The following ASPSCR1 variants were observed in gnomAD, a reference collection of about 807,000 sequenced individuals.
The protein encoded by ASPSCR1 is ASPSCR1 tether for SLC2A4, UBX domain containing, also known as tether containing UBX domain for GLUT4.
A neutral mutation model predicts 68.9 loss-of-function variants in ASPSCR1; 55 were observed. The observed-to-expected ratio is 0.80, with a 90% CI of 0.64 to 1.00. ASPSCR1 has a LOEUF of 1.00. Among genes scored for constraint, ASPSCR1 ranks in the 50% least tolerant of loss-of-function variants. The pLI is 0.00. For synonymous variants in ASPSCR1, 352 were observed against 332.6 expected (o/e 1.06, Z -0.63); for missense variants, 765 against 762.2 (o/e 1.00, Z -0.04).
chr17:81,987,745 T>G lies in ASPSCR1; in HGVS notation c.374+2138T>G, dbSNP rs550719860. ...GAAGTGGCTTTGGAGCTGGCTTTGG[T>G]GGTGGCTGTGGGGGTGGGTTTGGGC... On this transcript the variant is annotated intron_variant, in intron 4 of 15. Transcript: ENST00000306739. The surrounding 1 kb of genome is among the most constrained non-coding windows in gnomAD (Gnocchi z 5.6). 3.3e-5 allele frequency among the ~76,000 whole-genome samples: 5 copies of G among 151,604 alleles called. No individual in the cohort carries two copies. Among genetic ancestry groups the G allele is most frequent in the African/African-American group, 9.7e-5 (4 of 41,284 alleles).
In ASPSCR1 at chr17:81,999,026, T is replaced by A. The variant is rs537990099; in HGVS notation, c.933+2180T>A. On this transcript the variant is annotated intron_variant, in intron 7 of 15. Coordinates refer to ENST00000306739, the MANE Select transcript of ASPSCR1 (RefSeq NM_024083.4). The surrounding 1 kb of genome is among the most constrained non-coding windows in gnomAD (Gnocchi z 4.4). The stretch of plus-strand genomic sequence containing the variant: ...GCTGACTTTTCCTTTGTCCCTGTCC[T>A]GACCCCGCATCAGAGCCCTGCACCT... Among the ~76,000 whole-genome samples the A allele has an allele frequency of 6.6e-6, 1 of 152,382 alleles. No individual in the cohort carries two copies. Among genetic ancestry groups the A allele is most frequent in the African/African-American group, 2.4e-5 (1 of 41,592 alleles).
rs957274609 is a variant in ASPSCR1 at position 81,987,846 on chromosome 17, TCAAAAAAA to T, written c.374+2253_374+2260del. ...TGGGTGACAAGAGCAAAACTCCATC[TCAAAAAAA>T]CAAAAAAACAAAAGAAACAACAAGG... On this transcript the variant is annotated intron_variant, in intron 4 of 15. Coordinates refer to ENST00000306739, the MANE Select transcript of ASPSCR1 (RefSeq NM_024083.4). The surrounding 1 kb of genome is among the most constrained non-coding windows in gnomAD (Gnocchi z 5.6). 6.0e-5 allele frequency among the ~76,000 whole-genome samples: 9 copies of T among 150,558 alleles called. No homozygotes were observed. The highest frequency in any genetic ancestry group is 1.2e-4 in the African/African-American group (5 of 40,808).
chr17:82,015,488 G>A (rs2043092052), intron 12 of ASPSCR1: 10 of 1,205,660 alleles, frequency 8.3e-6, no homozygotes, highest in Non-Finnish European at 9.1e-6. Flanking sequence ...TGTGCGTCCC[G>A]TGGGGCAGTG....
At chr17:81,992,433 C>T (rs762261393) in intron 4 of ASPSCR1, among the ~76,000 whole-genome samples, 2 of 152,216 alleles carry the variant, frequency 1.3e-5, no homozygotes, top group Admixed American at 6.5e-5. Flanking sequence ...TTTGATGTCA[C>T]GCTGCTGTGC....
chr17:81,979,345 CAT>C, intron 2 of ASPSCR1, 106 bp downstream of exon 2: 1 of 1,258,852 alleles, frequency 7.9e-7, no homozygotes, highest in Non-Finnish European at 1.1e-6. Flanking sequence ...TTTAAACAGT[CAT>C]ATATTCCCTC....
In ASPSCR1 at chr17:82,015,114, C is replaced by T. The variant is rs887536327; in HGVS notation, c.1354-1362C>T. On this transcript the variant is annotated intron_variant, in intron 12 of 15. Transcript: ENST00000306739. ...CCGGGTGGCTCCATTCACCCTGGGTCCCTCGCTGAAACGGTGCCTGGGACC... is the reference window on the plus strand; with the variant it reads ...CCGGGTGGCTCCATTCACCCTGGGTTCCTCGCTGAAACGGTGCCTGGGACC... 7 of 1,598,214 alleles carry T rather than the reference C, an allele frequency of 4.4e-6. No individual in the cohort carries two copies. The South Asian group carries it at 6.6e-5, about 15-fold the overall frequency.
intron 4 of ASPSCR1, among the ~76,000 whole-genome samples, chr17:81,993,119 G>C (rs1447677986): frequency 6.6e-6 from 1 of 152,166 alleles, no homozygotes; most frequent in Admixed American, 6.5e-5. Context: ...CCCAGGTGTC[G>C]GGGCTGGGCC....
intron 7 of ASPSCR1, among the ~76,000 whole-genome samples, chr17:82,000,307 G>A (rs1013096510): frequency 6.6e-5 from 10 of 152,370 alleles, no homozygotes; most frequent in East Asian, 1.9e-4. Context: ...CCGTCGGGAG[G>A]CGCTGTTGGG....
chr17:82,017,258 G>A (rs750545230), intron 15 of ASPSCR1, 51 bp from the exon 16 acceptor site: 49 of 1,606,970 alleles, frequency 3.0e-5, no homozygotes, highest in Non-Finnish European at 3.7e-5. Context: ...GCGGGTGGCC[G>A]GGTGGTGAGA....
Position 81,977,897 on chromosome 17 carries a change from GCCGTCACCTGC to G in ASPSCR1, c.102+150_102+160del. The stretch of plus-strand genomic sequence containing the variant: ...TGAGCGGCGGCCCCGCCCCCTGCTC[GCCGTCACCTGC>G]GCTTCCGCTGGGGTCCCGGGGGTCC... On this transcript the variant is annotated intron_variant, in intron 1 of 15. Transcript: ENST00000306739. The surrounding 1 kb of genome is among the most constrained non-coding windows in gnomAD (Gnocchi z 5.0). 2.0e-6 allele frequency: 1 copy of G among 490,730 alleles called. No homozygotes were observed. The highest frequency in any genetic ancestry group is 1.0e-4 in the South Asian group (1 of 9,668). 30.4% of individuals were successfully genotyped at this position (490,730 alleles called of 1,614,324 possible).
intron 2 of ASPSCR1, among the ~76,000 whole-genome samples, chr17:81,979,615 G>A (rs2041729464): frequency 6.6e-6 from 1 of 152,208 alleles, no homozygotes; most frequent in South Asian, 2.1e-4. Flanking sequence ...AGGATCCCTA[G>A]TAAGATGTTC....
In ASPSCR1 at chr17:81,983,313, C is replaced by T. The variant is rs2041856037; in HGVS notation, c.159-241C>T. ...CTGAAGGAGCAGCCCCCTCGGCGTG[C>T]ACCGAGGCCCACATCTCCCTTTTTC... On this transcript the variant is annotated intron_variant, in intron 2 of 15. Transcript: ENST00000306739. The surrounding 1 kb of genome is among the most constrained non-coding windows in gnomAD (Gnocchi z 4.4). 6.6e-6 allele frequency among the ~76,000 whole-genome samples: 1 copy of T among 152,172 alleles called. No individual in the cohort carries two copies. The highest frequency in any genetic ancestry group is 2.4e-5 in the African/African-American group (1 of 41,448).
At chr17:82,015,384 C>T in intron 12 of ASPSCR1, 4 of 1,583,388 alleles carry the variant, frequency 2.5e-6, no homozygotes, top group East Asian at 2.2e-5. Context: ...GTGCTCCCTG[C>T]ACAGAGGCGC....
At chr17:81,995,068 C>T (rs59606152) in intron 5 of ASPSCR1, 190 bp downstream of exon 5, 48,522 of 566,404 alleles carry the variant, frequency 0.086, 2,600 homozygotes, top group Non-Finnish European at 0.11. Context: ...AAACCTCCCT[C>T]GGCGCCCTGT....
chr17:81,978,713 C>G (rs972835653), intron 1 of ASPSCR1: 1 of 190,484 alleles, frequency 5.2e-6, no homozygotes, highest in South Asian at 8.4e-5. Context: ...GGGGCGCTCC[C>G]GCAGAGGCTG....
At chr17:82,012,461 G>T (rs796679159) in intron 12 of ASPSCR1, among the ~76,000 whole-genome samples, 178 bp downstream of exon 12, 1 of 152,186 alleles carries the variant, frequency 6.6e-6, no homozygotes, top group Non-Finnish European at 1.5e-5. Context: ...CTTCTGACAC[G>T]GCTTTCCGGC....
intron 7 of ASPSCR1, chr17:82,006,333 T>C (rs1206532548): frequency 6.6e-6 from 1 of 152,158 alleles, no homozygotes; most frequent in Non-Finnish European, 1.5e-5. Context: ...GCACGTGTGC[T>C]TGGGTGCATG....
At chr17:82,014,730 A>C in intron 12 of ASPSCR1, 1 of 365,522 alleles carries the variant, frequency 2.7e-6, no homozygotes. Flanking sequence ...TGCAGCCCCT[A>C]CAGAGTTGCT....
At chr17:82,010,929 C>T in intron 10 of ASPSCR1, 61 bp downstream of exon 10, 1 of 1,571,696 alleles carries the variant, frequency 6.4e-7, no homozygotes, top group Non-Finnish European at 8.7e-7. Context: ...CCTCTCCCGG[C>T]TCCTTCCTTC....
Sources: gnomAD v4.1 joint callset for allele counts (sites outside exome capture counted in the v4.1 genomes callset) on GRCh38, gnomAD v4.1.1 for gene constraint, Gnocchi (gnomAD v3.1) non-coding constraint, MANE v1.5 for transcripts, NCBI Gene and HGNC (gene_info 2026-07-23, HGNC 2026-07-21) for gene names.